Variants in PPP1R12B observed in about 807,000 individuals in gnomAD.
The protein encoded by PPP1R12B is myosin phosphatase target subunit 2.
Under a neutral mutation model 126.1 loss-of-function variants are expected in PPP1R12B, and 76 were observed. The observed-to-expected ratio is 0.60, with a 90% CI of 0.50 to 0.73. PPP1R12B has a LOEUF of 0.73. PPP1R12B is among the 30% of genes least tolerant of loss of function. The pLI is 0.00. For synonymous variants in PPP1R12B, 356 were observed against 434.7 expected, an observed-to-expected ratio of 0.82 and a Z score of 2.25; for missense variants, 1,052 against 1,205.1, an observed-to-expected ratio of 0.87 and a Z score of 1.88.
In PPP1R12B at chr1:202,365,071, G is replaced by GT. The variant is rs200942505; in HGVS notation, c.291+15937dup. 3.5e-3 allele frequency among the ~76,000 whole-genome samples: 532 copies of GT among 151,978 alleles called. 3 individuals carry two copies. The highest frequency in any genetic ancestry group is 5.6e-3 in the Non-Finnish European group (379 of 67,934). On this transcript the variant is annotated intron_variant, in intron 1 of 23. Coordinates refer to ENST00000608999, the MANE Select transcript of PPP1R12B (RefSeq NM_002481.4). ...AAATACCACCCTAACATATTAATTGGTTTTTTTTCCTTTGTTCTTCCTCAG... is the reference window on the plus strand; with the variant it reads ...AAATACCACCCTAACATATTAATTGGTTTTTTTTTCCTTTGTTCTTCCTCAG...
At chr1:202,384,430 C>T (rs1052351410) in intron 1 of PPP1R12B, among the ~76,000 whole-genome samples, 26 of 152,012 alleles carry the variant, frequency 1.7e-4, no homozygotes, top group African/African-American at 5.8e-4. Context: ...AAACATTACG[C>T]GAAGTGAAAG....
intron 1 of PPP1R12B, among the ~76,000 whole-genome samples, chr1:202,393,073 G>A (rs561233420): frequency 6.6e-5 from 10 of 152,180 alleles, no homozygotes; most frequent in Admixed American, 2.0e-4. Flanking sequence ...AGCCTCCTCA[G>A]GGGCTGGGAC....
chr1:202,491,295 C>T (rs1436898656), intron 14 of PPP1R12B, among the ~76,000 whole-genome samples: 2 of 152,072 alleles, frequency 1.3e-5, no homozygotes, highest in Admixed American at 6.6e-5. Context: ...ATTACAGGCA[C>T]CCATCACCAC....
intron 18 of PPP1R12B, among the ~76,000 whole-genome samples, chr1:202,506,663 T>C (rs1431253566): frequency 6.6e-6 from 1 of 152,228 alleles, no homozygotes; most frequent in African/African-American, 2.4e-5. Context: ...CTCCAATTGC[T>C]TTCAAGATAT....
chr1:202,558,249 C>T (rs1472853114), intron 18 of PPP1R12B, among the ~76,000 whole-genome samples: 3 of 151,232 alleles, frequency 2.0e-5, no homozygotes, highest in Non-Finnish European at 4.4e-5. Context: ...ACCAAGCTTA[C>T]TGGTTGTATC....
intron 15 of PPP1R12B, among the ~76,000 whole-genome samples, 177 bp from the exon 16 acceptor site, chr1:202,495,116 T>G (rs1679376623): frequency 6.6e-6 from 1 of 151,658 alleles, no homozygotes; most frequent in Admixed American, 6.6e-5. Context: ...TTTTTTTGTC[T>G]AATTAACTAA....
At chr1:202,459,763 T>C (rs1320090426) in intron 13 of PPP1R12B, among the ~76,000 whole-genome samples, 2 of 152,232 alleles carry the variant, frequency 1.3e-5, no homozygotes, top group African/African-American at 4.8e-5. Context: ...AATTTAAGTA[T>C]TATCCATTCA....
chr1:202,495,673 G>A lies in PPP1R12B; in HGVS notation c.2439G>A (p.Trp813Ter). Residue 813 changes from tryptophan to a stop codon, truncating the protein, a stop_gained, in exon 17 of 24, where the codon TGG becomes TGA. Transcript: ENST00000608999. LOFTEE classifies it high-confidence loss of function. ...ERRRGTGINF[W>*]TKDEDETDGS... ...GAAGAGGCACAGGCATCAATTTCTG[G>A]ACAAAGGATGTAAGTGGATTGGTCT... The A allele has an allele frequency of 6.2e-7, 1 of 1,613,932 alleles. No homozygotes were observed. Among genetic ancestry groups the A allele is most frequent in the Non-Finnish European group, 8.5e-7 (1 of 1,179,850 alleles).
At chr1:202,432,360 C>T (rs1329944825) in intron 8 of PPP1R12B, among the ~76,000 whole-genome samples, 1 of 151,996 alleles carries the variant, frequency 6.6e-6, no homozygotes, top group Non-Finnish European at 1.5e-5. Context: ...CCTCCGCCTC[C>T]CAGGCTCAAG....
chr1:202,398,448 A>G (rs1256352269), intron 1 of PPP1R12B, among the ~76,000 whole-genome samples: 2 of 152,222 alleles, frequency 1.3e-5, no homozygotes, highest in African/African-American at 2.4e-5. Flanking sequence ...CTTCGTTATT[A>G]TAGCATTCAT....
intron 18 of PPP1R12B, among the ~76,000 whole-genome samples, chr1:202,523,183 A>G (rs1484716361): frequency 6.6e-6 from 1 of 152,240 alleles, no homozygotes; most frequent in Non-Finnish European, 1.5e-5. Context: ...GGTTCTTGGA[A>G]TCCTTTAGTC....
intron 18 of PPP1R12B, chr1:202,540,213 C>G: frequency 1.2e-6 from 2 of 1,609,838 alleles, no homozygotes; most frequent in Non-Finnish European, 1.7e-6. Flanking sequence ...CCCCCAGCAT[C>G]TCCCTCCCCG....
intron 18 of PPP1R12B, 78 bp downstream of exon 18, chr1:202,496,900 C>T: frequency 7.1e-7 from 1 of 1,407,216 alleles, no homozygotes; most frequent in South Asian, 1.2e-5. Flanking sequence ...GAAGAAAGGG[C>T]AAGACTTAAT....
chr1:202,558,250 T>C (rs1217188663), intron 18 of PPP1R12B, among the ~76,000 whole-genome samples: 1 of 152,070 alleles, frequency 6.6e-6, no homozygotes, highest in African/African-American at 2.4e-5. Flanking sequence ...CCAAGCTTAC[T>C]GGTTGTATCT....
chr1:202,478,318 T>C (rs1288032227), intron 13 of PPP1R12B, among the ~76,000 whole-genome samples: 1 of 152,256 alleles, frequency 6.6e-6, no homozygotes, highest in African/African-American at 2.4e-5. Context: ...GCTGACCAGC[T>C]GGTCTAGATT....
intron 13 of PPP1R12B, among the ~76,000 whole-genome samples, chr1:202,452,423 G>A (rs570638407): frequency 2.1e-4 from 32 of 152,332 alleles, no homozygotes; most frequent in African/African-American, 4.8e-5. Flanking sequence ...GGCGGCGTGC[G>A]CCTGCAATCA....
chr1:202,465,289 GGTCA>G (rs1023020049), intron 13 of PPP1R12B, among the ~76,000 whole-genome samples: 10 of 152,058 alleles, frequency 6.6e-5, no homozygotes, highest in Non-Finnish European at 1.5e-4. Flanking sequence ...GTGTCCAAGG[GGTCA>G]GTCTTCACTG....
At chr1:202,421,301 C>CT (rs764287116) in intron 2 of PPP1R12B, among the ~76,000 whole-genome samples, 3,188 of 136,762 alleles carry the variant, frequency 0.023, 114 homozygotes, top group African/African-American at 0.074. Flanking sequence ...TTATCTCTCT[C>CT]TTTTTTTTTT....
intron 1 of PPP1R12B, among the ~76,000 whole-genome samples, chr1:202,373,259 G>T (rs1414116767): frequency 6.6e-6 from 1 of 152,002 alleles, no homozygotes; most frequent in Non-Finnish European, 1.5e-5. Flanking sequence ...TTTTGGTTTT[G>T]CCCCAAAGGT....
Sources: allele counts gnomAD v4.1 joint callset (sites outside exome capture counted in the v4.1 genomes callset), GRCh38; gene constraint gnomAD v4.1.1; transcripts MANE v1.5; gene names NCBI Gene and HGNC (gene_info 2026-07-23, HGNC 2026-07-21).